PCDH15: variants seen among roughly 807,000 people sequenced by gnomAD.
PCDH15 encodes the protein protocadherin related 15, also known as protocadherin-15.
PCDH15 carries 129 observed loss-of-function variants against 178.5 expected under a neutral mutation model. The ratio of observed to expected loss-of-function variants is 0.72; its 90% CI spans 0.63 to 0.84. PCDH15 has a LOEUF of 0.84. Among genes scored for constraint, PCDH15 ranks in the 40% least tolerant of loss-of-function variants. The pLI, the probability that PCDH15 is intolerant of heterozygous loss-of-function variation, is 0.00. For missense variants in PCDH15, 2,230 were observed against 2,099.9 expected, an observed-to-expected ratio of 1.06 and a Z score of -1.21; for synonymous variants, 800 against 732.0, an observed-to-expected ratio of 1.09 and a Z score of -1.50.
At chr10:54,182,861 A>G (rs570910023) in intron 13 of PCDH15, among the ~76,000 whole-genome samples, 15 of 151,666 alleles carry the variant, frequency 9.9e-5, no homozygotes, top group African/African-American at 3.6e-4. Context: ...TTTTTTTTTT[A>G]AAGTAACAAC....
At chr10:54,594,459 C>T (rs1208557826) in intron 2 of PCDH15, among the ~76,000 whole-genome samples, 1 of 152,078 alleles carries the variant, frequency 6.6e-6, no homozygotes. Context: ...CCTGTACCTG[C>T]TAGCAGTGTA....
At chr10:54,792,121 A>G (rs1173911583) in intron 1 of PCDH15, among the ~76,000 whole-genome samples, 1 of 151,988 alleles carries the variant, frequency 6.6e-6, no homozygotes, top group East Asian at 1.9e-4. Context: ...GGGCTCCAAA[A>G]TGGACTGGAA....
intron 2 of PCDH15, among the ~76,000 whole-genome samples, chr10:55,083,345 T>A (rs1842090114): frequency 6.6e-6 from 1 of 151,840 alleles, no homozygotes; most frequent in Non-Finnish European, 1.5e-5. Context: ...AAAAAATACT[T>A]GATAAAATTT....
chr10:54,525,602 G>A (rs1269729496), intron 3 of PCDH15, among the ~76,000 whole-genome samples: 2 of 152,132 alleles, frequency 1.3e-5, no homozygotes, highest in Non-Finnish European at 2.9e-5. Context: ...GGGACTGTGA[G>A]TGTGTGCCAC....
At chr10:55,464,617 T>C (rs1839788127) in intron 2 of PCDH15, among the ~76,000 whole-genome samples, 1 of 103,958 alleles carries the variant, frequency 9.6e-6, no homozygotes, top group South Asian at 3.6e-4. Context: ...AAACAGTAAA[T>C]GGGAGTAAAT....
At chr10:55,465,042 G>A (rs1369983626) in intron 2 of PCDH15, among the ~76,000 whole-genome samples, 2 of 151,964 alleles carry the variant, frequency 1.3e-5, no homozygotes, top group Non-Finnish European at 2.9e-5. Flanking sequence ...ACTACTAGAT[G>A]GCAAACTGAC....
At chr10:55,150,511 A>C (rs1838679956) in intron 2 of PCDH15, among the ~76,000 whole-genome samples, 1 of 152,128 alleles carries the variant, frequency 6.6e-6, no homozygotes, top group Non-Finnish European at 1.5e-5. Flanking sequence ...TTTATACAAA[A>C]ATATATTCCA....
At chr10:54,129,110 G>A (rs1329269767) in intron 15 of PCDH15, among the ~76,000 whole-genome samples, 4 of 151,978 alleles carry the variant, frequency 2.6e-5, no homozygotes, top group East Asian at 1.9e-4. Flanking sequence ...TCATTTTCCC[G>A]ATAATAATGA....
intron 1 of PCDH15, among the ~76,000 whole-genome samples, chr10:54,674,133 C>T (rs1019584946): frequency 1.3e-5 from 2 of 152,148 alleles, no homozygotes; most frequent in Non-Finnish European, 2.9e-5. Context: ...ATACATATAA[C>T]TTTTTACTTT....
At chr10:55,255,250 G>C (rs1841962541) in intron 1 of PCDH15, among the ~76,000 whole-genome samples, 1 of 151,836 alleles carries the variant, frequency 6.6e-6, no homozygotes. Context: ...ATGATTTCCA[G>C]CTTCATCCAT....
chr10:54,449,204 C>A (rs2076319343), intron 3 of PCDH15, among the ~76,000 whole-genome samples: 1 of 151,750 alleles, frequency 6.6e-6, no homozygotes, highest in Non-Finnish European at 1.5e-5. Flanking sequence ...TTTCACTTCC[C>A]ACTGAACCTG....
chr10:54,836,066 A>C (rs1953310848), intron 3 of PCDH15, among the ~76,000 whole-genome samples: 1 of 152,188 alleles, frequency 6.6e-6, no homozygotes, highest in Admixed American at 6.6e-5. Flanking sequence ...CAACACAAAA[A>C]AGTTCCTAAT....
chr10:53,949,919 G>T lies in PCDH15; in HGVS notation c.3123-8944C>A, dbSNP rs76720983. On this transcript the variant is annotated intron_variant, in intron 23 of 37. Coordinates refer to ENST00000644397, the MANE Select transcript of PCDH15 (RefSeq NM_001384140.1). Reference sequence around the variant, plus strand: ...ACTTTTTCTGTTTTGTATATCAAGAGGTATAATGCTAATCCTTTGTTAAAT... The same window carrying T: ...ACTTTTTCTGTTTTGTATATCAAGATGTATAATGCTAATCCTTTGTTAAAT... 1.6e-3 allele frequency among the ~76,000 whole-genome samples: 236 copies of T among 152,144 alleles called. 7 individuals are homozygous for T. In the East Asian group the frequency reaches 0.042, roughly 27 times the overall value.
chr10:54,055,299 G>A (rs562125365), intron 18 of PCDH15, among the ~76,000 whole-genome samples: 1 of 152,246 alleles, frequency 6.6e-6, no homozygotes, highest in East Asian at 1.9e-4. Context: ...AGAACTGGAA[G>A]AACATGTTGT....
chr10:54,777,826 T>C (rs1949867271), intron 1 of PCDH15, among the ~76,000 whole-genome samples: 4 of 152,348 alleles, frequency 2.6e-5, no homozygotes, highest in South Asian at 2.1e-4. Flanking sequence ...TGGTAATTTA[T>C]AGCAAAGCTG....
intron 2 of PCDH15, among the ~76,000 whole-genome samples, chr10:55,443,710 G>A (rs781091408): frequency 5.9e-5 from 9 of 152,086 alleles, no homozygotes; most frequent in Non-Finnish European, 1.2e-4. Context: ...TTCAACCATC[G>A]TTGAAGACAG....
intron 3 of PCDH15, among the ~76,000 whole-genome samples, chr10:54,870,012 T>G (rs1290560389): frequency 6.6e-6 from 1 of 152,214 alleles, no homozygotes; most frequent in Non-Finnish European, 1.5e-5. Context: ...CTTTTTAAAC[T>G]GTTTTTCCCC....
rs549436979 is a variant in PCDH15, at chr10:55,425,317, T to C, written c.-156+202308A>G. Among the ~76,000 whole-genome samples the C allele has an allele frequency of 7.9e-5, 12 of 152,046 alleles. No individual in the cohort carries two copies. In the South Asian group the frequency reaches 2.3e-3, roughly 29 times the overall value. ...GCTAATGCTGCAGAATAGGAAAATT[T>C]CTCCAAATTAAAAGTCATGGAAAAA... On this transcript the variant is annotated intron_variant, in intron 2 of 5. Transcript: ENST00000613346.
At chr10:54,869,818 A>G (rs1447306300) in intron 3 of PCDH15, among the ~76,000 whole-genome samples, 1 of 152,160 alleles carries the variant, frequency 6.6e-6, no homozygotes, top group Non-Finnish European at 1.5e-5. Flanking sequence ...CCCTTCACAG[A>G]ACCACTAGCA....
Sources: gnomAD v4.1 joint callset for allele counts (sites outside exome capture counted in the v4.1 genomes callset) on GRCh38, gnomAD v4.1.1 for gene constraint, MANE v1.5 for transcripts, NCBI Gene and HGNC (gene_info 2026-07-23, HGNC 2026-07-21) for gene names.